GABRA2: variants seen among roughly 807,000 people sequenced by gnomAD.
GABRA2 encodes gamma-aminobutyric acid receptor subunit alpha-2.
In GABRA2, 16 loss-of-function variants were observed where a neutral mutation model predicts 48.7. The observed-to-expected ratio is 0.33, with a 90% CI of 0.22 to 0.50. GABRA2 has a LOEUF of 0.50. Ranked by LOEUF, GABRA2 falls within the 20% of genes least tolerant of loss-of-function variation. The pLI is 0.98. For missense variants in GABRA2, 275 were observed against 535.6 expected, an observed-to-expected ratio of 0.51 and a Z score of 4.80; for synonymous variants, 185 against 184.5, an observed-to-expected ratio of 1.00 and a Z score of -0.02.
At chr4:46,352,656 T>C (rs1014924677) in intron 3 of GABRA2, among the ~76,000 whole-genome samples, 1 of 152,048 alleles carries the variant, frequency 6.6e-6, no homozygotes, top group Non-Finnish European at 1.5e-5. Context: ...ACAGACCCTT[T>C]GGGGCTTATT....
intron 4 of GABRA2, among the ~76,000 whole-genome samples, chr4:46,330,591 T>TATATATATATATAG (rs1411755120): frequency 3.3e-5 from 4 of 122,694 alleles, no homozygotes; most frequent in East Asian, 6.2e-4. Context: ...TATATATATA[T>TATATATATATATAG]AGAGAGAGAG....
At chr4:46,334,763 A>G (rs1731924791) in intron 3 of GABRA2, among the ~76,000 whole-genome samples, 1 of 152,142 alleles carries the variant, frequency 6.6e-6, no homozygotes, top group Non-Finnish European at 1.5e-5. Flanking sequence ...TAGACATAAA[A>G]AGTTATTTTT....
rs17852044 is a variant in GABRA2, at chr4:46,312,568, A to G, written c.404T>C (p.Val135Ala). The change falls in exon 5 of 10, where the codon GTA becomes GCA. Residue 135 changes from valine to alanine, a missense_variant. Coordinates refer to ENST00000381620, the MANE Select transcript of GABRA2 (RefSeq NM_000807.4). ...ATTTGGCATTGTCATATTATGAGCT[A>G]CTGATTTTTTCCCATTGTGAAAAAA... is the stretch of plus-strand genomic sequence containing the variant. ...DTFFHNGKKS[V>A]AHNMTMPNKL... The G allele has an allele frequency of 1.2e-6, 2 of 1,602,942 alleles. No individual in the cohort carries two copies. The highest frequency in any genetic ancestry group is 2.2e-5 in the East Asian group (1 of 44,494).
intron 8 of GABRA2, among the ~76,000 whole-genome samples, chr4:46,270,254 C>T (rs1165351035): frequency 6.6e-6 from 1 of 151,824 alleles, no homozygotes. Context: ...TAGATCCGCT[C>T]CTCCTTCCTT....
intron 8 of GABRA2, among the ~76,000 whole-genome samples, chr4:46,294,017 C>A (rs111508810): frequency 0.015 from 2,328 of 152,320 alleles, 61 homozygotes; most frequent in African/African-American, 0.054. Context: ...ATTGACTCAG[C>A]AAATGCCTTT....
rs1000161149 is a variant in GABRA2 at position 46,319,132 on chromosome 4, T to C, written c.256-6416A>G. 3.3e-5 allele frequency among the ~76,000 whole-genome samples: 5 copies of C among 151,886 alleles called. No individual in the cohort carries two copies. In the East Asian group the frequency reaches 9.7e-4, roughly 29 times the overall value. On this transcript the variant is annotated intron_variant, in intron 4 of 9. Coordinates refer to ENST00000381620, the MANE Select transcript of GABRA2 (RefSeq NM_000807.4). ...AACAAGGAAATCACTCTCTATAAAC[T>C]ATTGCACAGTTTATCATATAAACTT... is the stretch of plus-strand genomic sequence containing the variant.
In GABRA2 at chr4:46,250,214, G is replaced by C. The variant is rs977791004; in HGVS notation, c.*94C>G. 2 of 1,021,010 alleles carry C rather than the reference G, an allele frequency of 2.0e-6. No individual in the cohort carries two copies. Among genetic ancestry groups the C allele is most frequent in the Non-Finnish European group, 1.5e-6 (1 of 681,158 alleles). The allele number at this position is 1,021,010 out of a possible 1,614,324, so 63.2% of individuals were successfully genotyped here. A position where few individuals can be genotyped will look rare whatever the true frequency, so the allele number is the denominator to read the frequency against. On this transcript the variant is annotated 3_prime_UTR_variant, in exon 10 of 10. Coordinates refer to ENST00000381620, the MANE Select transcript of GABRA2 (RefSeq NM_000807.4). ...CACTATATACATACTGTACATGTTGGATCACAAATTAGCAGTTATTAGTCA... is the reference window on the plus strand; with the variant it reads ...CACTATATACATACTGTACATGTTGCATCACAAATTAGCAGTTATTAGTCA...
chr4:46,328,798 C>A (rs1426475557), intron 4 of GABRA2, among the ~76,000 whole-genome samples: 20 of 152,042 alleles, frequency 1.3e-4, no homozygotes, highest in Admixed American at 1.3e-3. Context: ...TCTCATTGCT[C>A]AACCTATTGC....
chr4:46,328,608 C>A (rs980678723), intron 4 of GABRA2, among the ~76,000 whole-genome samples: 1 of 151,798 alleles, frequency 6.6e-6, no homozygotes, highest in East Asian at 1.9e-4. Flanking sequence ...GCTATGTTTT[C>A]CCTTCCCATC....
Position 46,261,975 on chromosome 4 carries a change from A to G in GABRA2, c.1010T>C (p.Phe337Ser). The change falls in exon 9 of 10, where the codon TTC (phenylalanine) becomes TCC (serine). Residue 337 changes from phenylalanine to serine, a missense_variant. Phe to Ser is a radical substitution (Grantham distance 155, BLOSUM62 -2). This residue lies in a region of GABRA2 where 24 missense variants were observed against 113.8 expected (regional missense o/e 0.21). Coordinates refer to ENST00000381620, the MANE Select transcript of GABRA2 (RefSeq NM_000807.4). ...ATCCCAAGCCCATCCTCTTTTGGTGAAGTAATTAACAGTTGCAAATTCAAT... is the reference window on the plus strand; with the variant it reads ...ATCCCAAGCCCATCCTCTTTTGGTGGAGTAATTAACAGTTGCAAATTCAAT... Reference protein sequence around the residue: ...ALIEFATVNYFTKRGWAWDGK... With the variant: ...ALIEFATVNYSTKRGWAWDGK... The G allele has an allele frequency of 6.2e-7, 1 of 1,613,870 alleles. No individual in the cohort carries two copies. Among genetic ancestry groups the G allele is most frequent in the Non-Finnish European group, 8.5e-7 (1 of 1,179,858 alleles).
Position 46,294,352 on chromosome 4 carries a change from G to T in GABRA2, c.856+9108C>A, listed in dbSNP as rs147208073. On this transcript the variant is annotated intron_variant, in intron 8 of 9. Transcript: ENST00000381620. Reference sequence around the variant, plus strand: ...AAAATTTCTAGGGGTCCAGTATTTTGAGATATTCCTTCTAAGGTGAAGGAC... The same window carrying T: ...AAAATTTCTAGGGGTCCAGTATTTTTAGATATTCCTTCTAAGGTGAAGGAC... Among the ~76,000 whole-genome samples, 774 of 152,290 alleles carry T rather than the reference G, an allele frequency of 5.1e-3. 7 individuals are homozygous for T. Among genetic ancestry groups the T allele is most frequent in the African/African-American group, 0.018 (733 of 41,570 alleles).
At chr4:46,327,454 T>TAG (rs1730585696) in intron 4 of GABRA2, among the ~76,000 whole-genome samples, 1 of 152,010 alleles carries the variant, frequency 6.6e-6, no homozygotes, top group Non-Finnish European at 1.5e-5. Flanking sequence ...AAAATGTCAA[T>TAG]AACCTTACAG....
chr4:46,327,175 T>C (rs1479456974), intron 4 of GABRA2, among the ~76,000 whole-genome samples: 1 of 151,928 alleles, frequency 6.6e-6, no homozygotes, highest in Non-Finnish European at 1.5e-5. Context: ...TCTTCACCAA[T>C]CTTATAATAT....
chr4:46,269,415 C>G (rs1560454666), intron 8 of GABRA2, among the ~76,000 whole-genome samples: 1 of 151,766 alleles, frequency 6.6e-6, no homozygotes, highest in African/African-American at 2.4e-5. Flanking sequence ...GCAAATTGGC[C>G]TATTAACTGA....
chr4:46,358,288 TC>T (rs2109944021), intron 3 of GABRA2, among the ~76,000 whole-genome samples: 1 of 152,334 alleles, frequency 6.6e-6, no homozygotes, highest in African/African-American at 2.4e-5. Flanking sequence ...TCTTCTGATT[TC>T]TAAATTCCAC....
intron 3 of GABRA2, chr4:46,366,112 T>C (rs547455850): frequency 6.6e-6 from 1 of 152,210 alleles, no homozygotes; most frequent in South Asian, 2.1e-4. Context: ...CATTAGCTAT[T>C]CTCCAGCATA....
chr4:46,315,139 G>GTT (rs35565335), intron 4 of GABRA2, among the ~76,000 whole-genome samples: 49,660 of 140,518 alleles, frequency 0.35, 9,409 homozygotes, highest in East Asian at 0.5. Context: ...GTCTGCATCT[G>GTT]TTTTTTTTTT....
At chr4:46,264,225 T>G (rs1717646393) in intron 8 of GABRA2, among the ~76,000 whole-genome samples, 1 of 152,074 alleles carries the variant, frequency 6.6e-6, no homozygotes, top group South Asian at 2.1e-4. Flanking sequence ...ACAATTATGA[T>G]GTGGTTCGTT....
intron 8 of GABRA2, among the ~76,000 whole-genome samples, chr4:46,301,591 T>C (rs552014840): frequency 2.1e-4 from 32 of 152,328 alleles, no homozygotes; most frequent in Non-Finnish European, 4.1e-4. Flanking sequence ...ATCTATTCTT[T>C]TGAGCTAGGA....
Sources: gnomAD v4.1 joint callset for allele counts (sites outside exome capture counted in the v4.1 genomes callset) on GRCh38, gnomAD v4.1.1 for gene constraint, gnomAD v4.1.1 regional missense constraint, MANE v1.5 for transcripts, NCBI Gene and HGNC (gene_info 2026-07-23, HGNC 2026-07-21) for gene names.